The following KCNG3 variants were observed in gnomAD, a reference collection of about 807,000 sequenced individuals.
The protein encoded by KCNG3 is potassium voltage-gated channel modifier subfamily G member 3, also known as voltage-gated potassium channel regulatory subunit KCNG3.
A neutral mutation model predicts 29.0 loss-of-function variants in KCNG3; 15 were observed. The observed-to-expected ratio is 0.52, with a 90% CI of 0.35 to 0.80. The LOEUF is 0.80. KCNG3 is among the 30% of genes least tolerant of loss of function. KCNG3 has a pLI of 0.01. For synonymous variants in KCNG3, 322 were observed against 248.9 expected (o/e 1.29, Z -2.76); for missense variants, 512 against 605.7 (o/e 0.85, Z 1.62).
At chr2:42,464,982 T>A (rs1673104748) in intron 1 of KCNG3, among the ~76,000 whole-genome samples, 1 of 152,216 alleles carries the variant, frequency 6.6e-6, no homozygotes, top group Non-Finnish European at 1.5e-5. Context: ...GTTGCTTGAC[T>A]AAATTAATGG....
the KCNG3 span, among the ~76,000 whole-genome samples, chr2:42,417,699 G>A: frequency 3.3e-5 from 5 of 152,160 alleles, no homozygotes; most frequent in Non-Finnish European, 5.9e-5. Context: ...AAAGTCAGGC[G>A]TGGTGGCTCA....
the KCNG3 span, among the ~76,000 whole-genome samples, chr2:42,411,761 G>C: frequency 5.3e-5 from 8 of 152,150 alleles, no homozygotes; most frequent in Admixed American, 2.0e-4. Flanking sequence ...GGAATTACAG[G>C]CATGAGCTAC....
chr2:42,399,056 C>CTTTTTTTTTTTTTTTTTTT, the KCNG3 span, among the ~76,000 whole-genome samples: 3 of 107,628 alleles, frequency 2.8e-5, no homozygotes, highest in African/African-American at 3.7e-5. Flanking sequence ...TTTTTCTTTT[C>CTTTTTTTTTTTTTTTTTTT]TTTTTTTTTT....
the KCNG3 span, among the ~76,000 whole-genome samples, chr2:42,403,026 GTTC>G: frequency 1.8e-4 from 27 of 152,174 alleles, no homozygotes; most frequent in Non-Finnish European, 3.8e-4. Context: ...ACATGATTTG[GTTC>G]TTCTTATGTG....
At chr2:42,392,591 T>C in the KCNG3 span, among the ~76,000 whole-genome samples, 1 of 152,094 alleles carries the variant, frequency 6.6e-6, no homozygotes. Context: ...AGGCTTTAGT[T>C]GGGTGCTACA....
At chr2:42,463,239 G>A (rs764198535) in intron 1 of KCNG3, 4 of 325,954 alleles carry the variant, frequency 1.2e-5, no homozygotes, top group African/African-American at 2.2e-5. Flanking sequence ...TGGCTTTACG[G>A]TCTGAGTGTA....
the KCNG3 span, among the ~76,000 whole-genome samples, chr2:42,403,486 T>G: frequency 3.6e-5 from 5 of 138,794 alleles, no homozygotes; most frequent in Non-Finnish European, 7.9e-5. Context: ...TGTTTTTTTT[T>G]TTTTTTTTTT....
chr2:42,470,173 G>T, intron 1 of KCNG3: 1 of 423,898 alleles, frequency 2.4e-6, no homozygotes. Flanking sequence ...TAGAGCGTCA[G>T]ATTCACCATT....
chr2:42,468,954 CAAAAAAAAAAAA>C (rs61287684), intron 1 of KCNG3, among the ~76,000 whole-genome samples: 5 of 57,110 alleles, frequency 8.8e-5, no homozygotes, highest in East Asian at 5.9e-4. Context: ...ACTCCGTCTC[CAAAAAAAAAAAA>C]AAAAAAAAAA....
At chr2:42,437,096 A>T (rs1027822437), downstream of KCNG3, among the ~76,000 whole-genome samples, 3 of 152,096 alleles carry the variant, frequency 2.0e-5, no homozygotes, top group African/African-American at 7.2e-5. Context: ...TATCTATTAC[A>T]TGAAGTGGGG....
the KCNG3 span, among the ~76,000 whole-genome samples, chr2:42,408,009 C>T: frequency 5.9e-5 from 9 of 152,236 alleles, no homozygotes; most frequent in African/African-American, 1.2e-4. Flanking sequence ...CCACGCCGAT[C>T]TCAGAACAAA....
rs550383908 is a variant in KCNG3 at position 42,485,098 on chromosome 2, G to T, written c.665+7739C>A. Among the ~76,000 whole-genome samples the T allele has an allele frequency of 2.6e-4, 40 of 152,110 alleles. No homozygotes were observed. In the East Asian group the frequency reaches 7.1e-3, roughly 27 times the overall value. Reference sequence around the variant, plus strand: ...ATTGAAATTTAAATTTCCATCACCTGGTGTTTCATTTTGATCATTTAATTT... The same window carrying T: ...ATTGAAATTTAAATTTCCATCACCTTGTGTTTCATTTTGATCATTTAATTT... On this transcript the variant is annotated intron_variant, in intron 1 of 1. Coordinates refer to ENST00000306078, the MANE Select transcript of KCNG3 (RefSeq NM_133329.6).
At chr2:42,399,270 C>G in the KCNG3 span, among the ~76,000 whole-genome samples, 1 of 152,030 alleles carries the variant, frequency 6.6e-6, no homozygotes, top group Non-Finnish European at 1.5e-5. Context: ...TTGGCCCAGG[C>G]TGGTCTTGAA....
the KCNG3 span, among the ~76,000 whole-genome samples, chr2:42,405,629 A>G: frequency 2.0e-5 from 3 of 150,840 alleles, no homozygotes; most frequent in South Asian, 2.1e-4. Flanking sequence ...TCTTTTTGAG[A>G]CAGAGTCTCA....
intron 1 of KCNG3, among the ~76,000 whole-genome samples, chr2:42,488,245 A>C (rs899666129): frequency 5.0e-4 from 76 of 152,332 alleles, no homozygotes; most frequent in African/African-American, 1.8e-3. Flanking sequence ...TTGCTTTGGA[A>C]GACCTAAGAT....
At chr2:42,491,983 C>A (rs1673889568) in intron 1 of KCNG3, among the ~76,000 whole-genome samples, 1 of 152,180 alleles carries the variant, frequency 6.6e-6, no homozygotes, top group African/African-American at 2.4e-5. Flanking sequence ...ATTCCTCCCA[C>A]TGAATATGCT....
At chr2:42,472,470 A>G (rs1673312732) in intron 1 of KCNG3, among the ~76,000 whole-genome samples, 1 of 152,036 alleles carries the variant, frequency 6.6e-6, no homozygotes. Flanking sequence ...AGGGATTTCA[A>G]TGGGAAAGAG....
At chr2:42,426,501 A>G in the KCNG3 span, among the ~76,000 whole-genome samples, 1 of 152,230 alleles carries the variant, frequency 6.6e-6, no homozygotes. Flanking sequence ...ATGTATATAC[A>G]GTGAAAATAG....
chr2:42,461,550 C>A lies in KCNG3; in HGVS notation c.666-16971G>T, dbSNP rs144670930. On this transcript the variant is annotated intron_variant, in intron 1 of 1. Coordinates refer to ENST00000306078, the MANE Select transcript of KCNG3 (RefSeq NM_133329.6). ...CTGACTCTCACTGCTAAAAACTTTC[C>A]AGAGATGACAGCAGCAGAAACCCAG... Among the ~76,000 whole-genome samples the A allele has an allele frequency of 2.4e-3, 368 of 152,248 alleles. 2 individuals are homozygous for A. The highest frequency in any genetic ancestry group is 8.5e-3 in the African/African-American group (354 of 41,536).
Sources: gnomAD v4.1 joint callset for allele counts (sites outside exome capture counted in the v4.1 genomes callset) on GRCh38, gnomAD v4.1.1 for gene constraint, MANE v1.5 for transcripts, NCBI Gene and HGNC (gene_info 2026-07-23, HGNC 2026-07-21) for gene names.